Variants in DGKB observed in about 807,000 individuals in gnomAD.
DGKB encodes diacylglycerol kinase beta.
Under a neutral mutation model 114.3 loss-of-function variants are expected in DGKB, and 67 were observed. The ratio of observed to expected loss-of-function variants is 0.59; its 90% CI spans 0.48 to 0.72. DGKB has a LOEUF of 0.72. Ranked by LOEUF, DGKB falls within the 30% of genes least tolerant of loss-of-function variation. The probability of loss-of-function intolerance (pLI) is 0.00; values close to 1 mark genes in which losing one functional copy is unlikely to be tolerated. For synonymous variants in DGKB, 398 were observed against 323.1 expected (o/e 1.23, Z -2.49); for missense variants, 907 against 975.2 (o/e 0.93, Z 0.93).
intron 1 of DGKB, among the ~76,000 whole-genome samples, chr7:14,859,014 G>A (rs1850577865): frequency 6.6e-6 from 1 of 152,116 alleles, no homozygotes; most frequent in African/African-American, 2.4e-5. Context: ...AGAGGTGAAA[G>A]TGTGATTCTA....
At chr7:14,406,442 C>A (rs1823938564) in intron 21 of DGKB, among the ~76,000 whole-genome samples, 1 of 151,928 alleles carries the variant, frequency 6.6e-6, no homozygotes, top group African/African-American at 2.4e-5. Context: ...TCCTGCCTGA[C>A]CCTGATATAA....
At chr7:14,627,537 T>G (rs895274647) in intron 14 of DGKB, among the ~76,000 whole-genome samples, 2 of 152,164 alleles carry the variant, frequency 1.3e-5, no homozygotes, top group Admixed American at 1.3e-4. Context: ...TTTGGCTATG[T>G]GCTAGTACAT....
At chr7:14,356,498 A>T (rs1406295384) in intron 21 of DGKB, among the ~76,000 whole-genome samples, 1 of 151,280 alleles carries the variant, frequency 6.6e-6, no homozygotes, top group East Asian at 2.0e-4. Context: ...AGTAGCTGGG[A>T]CTACAGGTGC....
intron 2 of DGKB, among the ~76,000 whole-genome samples, chr7:14,795,643 T>G (rs1447120808): frequency 1.3e-5 from 2 of 152,036 alleles, no homozygotes; most frequent in African/African-American, 4.8e-5. Context: ...AGTAATTGGA[T>G]CCTGGAGTGG....
intron 23 of DGKB, among the ~76,000 whole-genome samples, chr7:14,313,135 T>C (rs1805691050): frequency 6.6e-6 from 1 of 152,212 alleles, no homozygotes; most frequent in South Asian, 2.1e-4. Flanking sequence ...TGAATTTTGA[T>C]ATAATGCCAA....
intron 13 of DGKB, among the ~76,000 whole-genome samples, chr7:14,651,295 C>A (rs1814432504): frequency 1.3e-5 from 2 of 152,026 alleles, no homozygotes; most frequent in South Asian, 2.1e-4. Context: ...AAAAGCTTAT[C>A]CACCATGATC....
chr7:14,662,012 A>G (rs1285215848), intron 13 of DGKB, among the ~76,000 whole-genome samples: 1 of 152,004 alleles, frequency 6.6e-6, no homozygotes, highest in African/African-American at 2.4e-5. Flanking sequence ...CAATGAGAAC[A>G]CATGGACACA....
intron 23 of DGKB, among the ~76,000 whole-genome samples, chr7:14,284,211 G>C (rs1234097300): frequency 6.7e-6 from 1 of 150,356 alleles, no homozygotes; most frequent in Non-Finnish European, 1.5e-5. Context: ...GACATGAACA[G>C]ACACTTCTCA....
At chr7:14,718,450 C>G (rs1407617266) in intron 6 of DGKB, 92 bp downstream of exon 6, 1 of 1,200,090 alleles carries the variant, frequency 8.3e-7, no homozygotes, top group East Asian at 2.7e-5. Flanking sequence ...AAAAATTATA[C>G]AACTATACTA....
chr7:14,817,190 T>C (rs894474039), intron 2 of DGKB, among the ~76,000 whole-genome samples: 1 of 152,198 alleles, frequency 6.6e-6, no homozygotes. Context: ...TATTGCGTTA[T>C]GGTTGCCCCT....
intron 25 of DGKB, among the ~76,000 whole-genome samples, chr7:14,168,754 T>C (rs995267673): frequency 8.5e-5 from 13 of 152,150 alleles, no homozygotes; most frequent in African/African-American, 3.1e-4. Flanking sequence ...AGTCTGTGAA[T>C]TGGAATGCTG....
In DGKB at chr7:14,757,774, C is replaced by T. The variant is rs370440247; in HGVS notation, c.71-43G>A. On this transcript the variant is annotated intron_variant, in intron 2 of 25. Transcript: ENST00000402815. Reference sequence around the variant, plus strand: ...CACAAAAATTGTTTATATGCACATACTGTGGTTGTGTAGCCCAGTCCAGAA... The same window carrying T: ...CACAAAAATTGTTTATATGCACATATTGTGGTTGTGTAGCCCAGTCCAGAA... The T allele has an allele frequency of 1.5e-5, 17 of 1,139,954 alleles. No homozygotes were observed. In the South Asian group the frequency reaches 2.2e-4, roughly 15 times the overall value. 70.6% of individuals were successfully genotyped at this position (1,139,954 alleles called of 1,614,324 possible). A position where few individuals can be genotyped will look rare whatever the true frequency, so the allele number is the denominator to read the frequency against.
chr7:14,920,168 T>C (rs756294076), intron 1 of DGKB, among the ~76,000 whole-genome samples: 1 of 152,166 alleles, frequency 6.6e-6, no homozygotes, highest in Non-Finnish European at 1.5e-5. Flanking sequence ...AATTTGGACA[T>C]TAAATTTAAA....
intron 20 of DGKB, among the ~76,000 whole-genome samples, chr7:14,570,960 T>C (rs972420185): frequency 6.6e-6 from 1 of 152,320 alleles, no homozygotes; most frequent in African/African-American, 2.4e-5. Context: ...AGCTGTATAA[T>C]TCTTTACTTT....
rs1250042322 is a variant in DGKB at position 14,790,836 on chromosome 7, G to T, written c.71-33105C>A. Among the ~76,000 whole-genome samples, 6 of 151,786 alleles carry T rather than the reference G, an allele frequency of 4.0e-5. No individual in the cohort carries two copies. The East Asian group carries it at 7.7e-4, about 19-fold the overall frequency. ...GCTTTAAATAAACTTGTCTATATCTGCCAAAAAAAATTCCTGGCATTTTGA... is the reference window on the plus strand; with the variant it reads ...GCTTTAAATAAACTTGTCTATATCTTCCAAAAAAAATTCCTGGCATTTTGA... On this transcript the variant is annotated intron_variant, in intron 2 of 25. Coordinates refer to ENST00000402815, the MANE Select transcript of DGKB (RefSeq NM_001350709.2).
At chr7:14,931,435 A>G (rs117568571) in intron 1 of DGKB, among the ~76,000 whole-genome samples, 1,766 of 152,186 alleles carry the variant, frequency 0.012, 14 homozygotes, top group Non-Finnish European at 0.02. Flanking sequence ...AAAAGCATCT[A>G]TGTATCTATG....
In DGKB at chr7:14,418,264, GTATA is replaced by G. The variant is rs199974849; in HGVS notation, c.1835+59893_1835+59896del. 5.7e-4 allele frequency among the ~76,000 whole-genome samples: 70 copies of G among 122,564 alleles called. 2 individuals are homozygous for G. In the East Asian group the frequency reaches 6.6e-3, roughly 12 times the overall value. The allele number at this position is 122,564 out of a possible 152,430, so 80.4% of individuals were successfully genotyped here. Reference sequence around the variant, plus strand: ...ATATATGTGTGTATATATTATATATGTATATATATTTTATATATGTGTGTATATA... The same window carrying G: ...ATATATGTGTGTATATATTATATATGTATATTTTATATATGTGTGTATATA... On this transcript the variant is annotated intron_variant, in intron 21 of 25. Coordinates refer to ENST00000402815, the MANE Select transcript of DGKB (RefSeq NM_001350709.2).
At chr7:14,174,745 A>G (rs1781478655) in intron 25 of DGKB, among the ~76,000 whole-genome samples, 2 of 151,926 alleles carry the variant, frequency 1.3e-5, no homozygotes, top group South Asian at 4.2e-4. Context: ...AACCATCACC[A>G]CCTCTGCAAT....
chr7:14,337,916 T>G (rs1429443481), intron 23 of DGKB, among the ~76,000 whole-genome samples: 2 of 152,156 alleles, frequency 1.3e-5, no homozygotes, highest in Non-Finnish European at 2.9e-5. Flanking sequence ...GAGTTGAAAA[T>G]TCTGACCCAT....
Sources: allele counts gnomAD v4.1 joint callset (sites outside exome capture counted in the v4.1 genomes callset), GRCh38; gene constraint gnomAD v4.1.1; transcripts MANE v1.5; gene names NCBI Gene and HGNC (gene_info 2026-07-23, HGNC 2026-07-21).